The following SYT1 variants were observed in gnomAD, a reference collection of about 807,000 sequenced individuals.
SYT1 encodes the protein synaptotagmin-1.
In SYT1, 8 loss-of-function variants were observed where a neutral mutation model predicts 44.8. The observed-to-expected ratio is 0.18, with a 90% CI of 0.10 to 0.32. SYT1 has a LOEUF of 0.32. Among genes scored for constraint, SYT1 ranks in the 10% least tolerant of loss-of-function variants. The pLI, the probability that SYT1 is intolerant of heterozygous loss-of-function variation, is 1.00. For missense variants in SYT1, 286 were observed against 509.3 expected, an observed-to-expected ratio of 0.56 and a Z score of 4.22; for synonymous variants, 154 against 188.8, an observed-to-expected ratio of 0.82 and a Z score of 1.51.
chr12:79,049,652 A>T (rs540278951), intron 3 of SYT1, among the ~76,000 whole-genome samples: 3 of 152,028 alleles, frequency 2.0e-5, no homozygotes, highest in African/African-American at 7.2e-5. Context: ...ACATGATATC[A>T]GATGAATATA....
intron 4 of SYT1, 75 bp downstream of exon 4, chr12:79,217,760 A>C: frequency 1.6e-6 from 2 of 1,236,480 alleles, no homozygotes; most frequent in Non-Finnish European, 1.1e-6. Flanking sequence ...AGAAAGTAGA[A>C]CTCCGTTTGA....
chr12:79,109,464 T>C (rs745646012), intron 3 of SYT1, among the ~76,000 whole-genome samples: 1 of 152,120 alleles, frequency 6.6e-6, no homozygotes, highest in East Asian at 1.9e-4. Flanking sequence ...CCCAGCTAGA[T>C]CACTTATTTA....
chr12:79,262,951 T>C (rs1030153175), intron 4 of SYT1, among the ~76,000 whole-genome samples: 2 of 152,214 alleles, frequency 1.3e-5, no homozygotes, highest in Admixed American at 1.3e-4. Context: ...AAGACAGCAC[T>C]GTGTGCTTCA....
intron 3 of SYT1, among the ~76,000 whole-genome samples, chr12:79,066,598 T>TACTTA (rs2137877763): frequency 6.6e-6 from 1 of 152,188 alleles, no homozygotes; most frequent in Non-Finnish European, 1.5e-5. Flanking sequence ...TTGCAGTAAA[T>TACTTA]ATTGTGAATT....
intron 8 of SYT1, among the ~76,000 whole-genome samples, chr12:79,306,867 C>T (rs765379675): frequency 1.3e-5 from 2 of 152,074 alleles, no homozygotes; most frequent in Non-Finnish European, 2.9e-5. Context: ...ATGATGTAGA[C>T]AAGAGCAGCC....
intron 3 of SYT1, among the ~76,000 whole-genome samples, chr12:79,097,875 C>T (rs550265499): frequency 1.3e-5 from 2 of 152,100 alleles, no homozygotes; most frequent in East Asian, 1.9e-4. Context: ...TTAGTTTCTT[C>T]GCCTTCTTTA....
chr12:79,314,299 A>G (rs1565904680), intron 8 of SYT1, among the ~76,000 whole-genome samples: 6 of 152,048 alleles, frequency 3.9e-5, no homozygotes, highest in African/African-American at 9.7e-5. Context: ...TTTTGAGGAC[A>G]GTGGGACAGC....
At chr12:79,382,745 T>G (rs1293681202) in intron 9 of SYT1, among the ~76,000 whole-genome samples, 1 of 152,232 alleles carries the variant, frequency 6.6e-6, no homozygotes, top group Non-Finnish European at 1.5e-5. Context: ...GTTTTTCACT[T>G]TTTAAATGAT....
At chr12:78,875,654 C>T (rs1874028355) in intron 1 of SYT1, among the ~76,000 whole-genome samples, 1 of 151,658 alleles carries the variant, frequency 6.6e-6, no homozygotes, top group African/African-American at 2.4e-5. Context: ...GTTTTCAAAA[C>T]AGTGTAATCA....
intron 3 of SYT1, among the ~76,000 whole-genome samples, chr12:79,161,653 G>C (rs898884960): frequency 6.6e-6 from 1 of 152,116 alleles, no homozygotes; most frequent in Non-Finnish European, 1.5e-5. Context: ...ATAATCAACT[G>C]TCTATTTTAC....
chr12:79,394,765 A>G (rs1351928077), intron 9 of SYT1, among the ~76,000 whole-genome samples: 1 of 152,210 alleles, frequency 6.6e-6, no homozygotes, highest in Non-Finnish European at 1.5e-5. Context: ...AAACTAGATG[A>G]TATGTTTTAC....
At position 78,963,683 on chromosome 12, in the gene SYT1, C is replaced by T. The variant is rs1179369468; in HGVS notation, c.-216-14116C>T. ...AAACAAACAAAAAAACAGATGCTGG[C>T]AAGGTTGTGGAGAAATTGAAACCCT... On this transcript the variant is annotated intron_variant, in intron 1 of 10. Coordinates refer to ENST00000261205, the MANE Select transcript of SYT1 (RefSeq NM_005639.3). Among the ~76,000 whole-genome samples, 3 of 151,964 alleles carry T rather than the reference C, an allele frequency of 2.0e-5. No homozygotes were observed. The East Asian group carries it at 5.8e-4, about 29-fold the overall frequency.
intron 2 of SYT1, among the ~76,000 whole-genome samples, chr12:78,987,086 T>C (rs1449837522): frequency 6.6e-6 from 1 of 152,080 alleles, no homozygotes; most frequent in Non-Finnish European, 1.5e-5. Context: ...GATGCTTCCA[T>C]CGTTCAAAAT....
intron 3 of SYT1, among the ~76,000 whole-genome samples, chr12:79,114,071 A>G (rs866744611): frequency 6.6e-6 from 1 of 152,110 alleles, no homozygotes; most frequent in Non-Finnish European, 1.5e-5. Flanking sequence ...AGTAGAAGAA[A>G]AAGACAAGGA....
At chr12:78,998,676 G>C (rs1356524368) in intron 2 of SYT1, among the ~76,000 whole-genome samples, 1 of 152,182 alleles carries the variant, frequency 6.6e-6, no homozygotes, top group Admixed American at 6.5e-5. Context: ...AATCATGACT[G>C]TATTCTCTAG....
intron 9 of SYT1, among the ~76,000 whole-genome samples, chr12:79,401,669 C>CTT (rs199548732): frequency 1.4e-5 from 2 of 138,932 alleles, no homozygotes; most frequent in African/African-American, 2.6e-5. Flanking sequence ...AAAACTCAAA[C>CTT]TTTTTTTTTT....
intron 3 of SYT1, among the ~76,000 whole-genome samples, chr12:79,210,420 C>G (rs1592855456): frequency 6.6e-6 from 1 of 152,150 alleles, no homozygotes; most frequent in East Asian, 1.9e-4. Context: ...TTTCCCAAGT[C>G]CCCAAAGTTT....
intron 6 of SYT1, among the ~76,000 whole-genome samples, chr12:79,293,391 AAAATAAAATAAAATAAAATTAAAAAATC>A (rs1565894627): frequency 3.0e-5 from 2 of 66,268 alleles, no homozygotes; most frequent in Non-Finnish European, 3.4e-5. Context: ...AAAATAAAAT[AAAATAAAATAAAATAAAATTAAAAAATC>A]TGTAAGACAT....
chr12:78,901,166 A>G (rs1875642222), intron 1 of SYT1, among the ~76,000 whole-genome samples: 1 of 152,122 alleles, frequency 6.6e-6, no homozygotes, highest in Non-Finnish European at 1.5e-5. Context: ...CAGGTTAATG[A>G]TTTAATGTGT....
Sources: allele counts gnomAD v4.1 joint callset (sites outside exome capture counted in the v4.1 genomes callset), GRCh38; gene constraint gnomAD v4.1.1; transcripts MANE v1.5; gene names NCBI Gene and HGNC (gene_info 2026-07-23, HGNC 2026-07-21).